SOX5: variants seen among roughly 807,000 people sequenced by gnomAD.
SOX5 encodes the protein transcription factor SOX-5.
A neutral mutation model predicts 92.0 loss-of-function variants in SOX5; 9 were observed. The observed-to-expected ratio is 0.10, with a 90% CI of 0.06 to 0.17. SOX5 has a LOEUF of 0.17. Ranked by LOEUF, SOX5 falls within the 10% of genes least tolerant of loss-of-function variation. The pLI is 1.00. For synonymous variants in SOX5, 344 were observed against 336.3 expected (o/e 1.02, Z -0.25); for missense variants, 642 against 944.5 (o/e 0.68, Z 4.20).
intron 1 of SOX5, among the ~76,000 whole-genome samples, chr12:24,485,712 G>A (rs899778123): frequency 2.0e-5 from 3 of 152,072 alleles, no homozygotes; most frequent in Non-Finnish European, 2.9e-5. Flanking sequence ...TCCACAGTAA[G>A]GCCTATAATA....
At chr12:23,830,861 C>T (rs1568142764) in intron 3 of SOX5, among the ~76,000 whole-genome samples, 1 of 152,104 alleles carries the variant, frequency 6.6e-6, no homozygotes, top group Non-Finnish European at 1.5e-5. Context: ...TGCTCAACAA[C>T]AGACATTTAA....
chr12:24,046,432 A>G (rs1009140744), intron 4 of SOX5, among the ~76,000 whole-genome samples: 2 of 152,206 alleles, frequency 1.3e-5, no homozygotes, highest in African/African-American at 4.8e-5. Context: ...AAAAGAAAGC[A>G]TGAGTTATCT....
At chr12:24,020,057 A>C (rs1209789822) in intron 4 of SOX5, among the ~76,000 whole-genome samples, 6 of 152,298 alleles carry the variant, frequency 3.9e-5, no homozygotes, top group Non-Finnish European at 8.8e-5. Flanking sequence ...TGTGATATTG[A>C]ATTCTGGAAA....
At chr12:23,934,880 C>G (rs183538894) in intron 1 of SOX5, among the ~76,000 whole-genome samples, 10 of 151,316 alleles carry the variant, frequency 6.6e-5, no homozygotes, top group African/African-American at 2.4e-4. Context: ...GATCACAGAA[C>G]TAATCAATAA....
intron 4 of SOX5, among the ~76,000 whole-genome samples, chr12:24,110,423 C>T (rs1395424327): frequency 6.6e-6 from 1 of 152,184 alleles, no homozygotes; most frequent in African/African-American, 2.4e-5. Context: ...ACATCAAGTG[C>T]TTGCTAAAAG....
intron 4 of SOX5, among the ~76,000 whole-genome samples, chr12:24,068,249 C>T (rs1941117493): frequency 2.0e-5 from 3 of 152,000 alleles, no homozygotes; most frequent in Admixed American, 2.0e-4. Context: ...TCAATGTGTC[C>T]TAGAAAAAGA....
chr12:23,764,367 G>T (rs1234976348), intron 3 of SOX5, among the ~76,000 whole-genome samples: 1 of 151,958 alleles, frequency 6.6e-6, no homozygotes, highest in East Asian at 1.9e-4. Context: ...AAAGAATACT[G>T]CAAGAACTAT....
At chr12:23,869,501 C>T (rs1402388272) in intron 2 of SOX5, among the ~76,000 whole-genome samples, 1 of 152,124 alleles carries the variant, frequency 6.6e-6, no homozygotes, top group Non-Finnish European at 1.5e-5. Context: ...TGAAACCCCA[C>T]CAGCCTACCG....
intron 4 of SOX5, among the ~76,000 whole-genome samples, chr12:24,011,263 G>T (rs1192068850): frequency 6.6e-6 from 1 of 151,990 alleles, no homozygotes; most frequent in East Asian, 1.9e-4. Context: ...TAATTCACAT[G>T]CGCACATGCA....
At chr12:23,811,878 ACACT>A (rs2095880575) in intron 3 of SOX5, among the ~76,000 whole-genome samples, 1 of 152,118 alleles carries the variant, frequency 6.6e-6, no homozygotes, top group South Asian at 2.1e-4. Flanking sequence ...TCTTCCTGAA[ACACT>A]CACTTTTTAA....
chr12:23,707,032 T>G (rs2024636101), intron 6 of SOX5, among the ~76,000 whole-genome samples: 1 of 152,144 alleles, frequency 6.6e-6, no homozygotes, highest in Non-Finnish European at 1.5e-5. Flanking sequence ...CAATTCTCTA[T>G]GATGTCCAAA....
chr12:23,954,835 T>C (rs1375251239), upstream of SOX5, among the ~76,000 whole-genome samples: 1 of 152,098 alleles, frequency 6.6e-6, no homozygotes, highest in Non-Finnish European at 1.5e-5. Flanking sequence ...TTAGAAACTC[T>C]AGTTTCATAC....
At chr12:24,136,518 T>TA (rs1384996396) in intron 4 of SOX5, among the ~76,000 whole-genome samples, 1 of 152,188 alleles carries the variant, frequency 6.6e-6, no homozygotes, top group African/African-American at 2.4e-5. Context: ...CCTTTGTGCA[T>TA]AGGGGATTAT....
At chr12:24,074,802 C>T (rs1009157837) in intron 4 of SOX5, among the ~76,000 whole-genome samples, 2 of 152,044 alleles carry the variant, frequency 1.3e-5, no homozygotes, top group African/African-American at 2.4e-5. Context: ...AGTTTTGTGA[C>T]CTACTCAGAA....
At chr12:23,895,708 T>C (rs971534412) in intron 2 of SOX5, 85 bp downstream of exon 2, 26 of 862,160 alleles carry the variant, frequency 3.0e-5, no homozygotes, top group Non-Finnish European at 4.4e-5. Flanking sequence ...ATGTTAATTA[T>C]AAAGCAAAGG....
chr12:23,643,083 T>C (rs2080319064), intron 7 of SOX5, among the ~76,000 whole-genome samples: 1 of 43,742 alleles, frequency 2.3e-5, no homozygotes, highest in Admixed American at 2.4e-4. Flanking sequence ...CGAGACTCCG[T>C]CTCAAAAAAA....
rs149362899 is a variant in SOX5 at position 23,963,058 on chromosome 12, C to T, written c.-1-67034G>A. 5.5e-4 allele frequency among the ~76,000 whole-genome samples: 84 copies of T among 152,230 alleles called. 1 individual carries two copies. The highest frequency in any genetic ancestry group is 2.0e-3 in the Admixed American group (31 of 15,288). On this transcript the variant is annotated intron_variant, in intron 4 of 4. Coordinates refer to the SOX5 transcript ENST00000446891. ...GGCATGGCAGGGGAAAAATAAATAC[C>T]ACCACATATGTTAAAGATGACCAGC...
At chr12:24,562,447 T>G (rs1430072635) in exon 1 of SOX5, 1 of 152,004 alleles carries the variant, frequency 6.6e-6, no homozygotes, top group African/African-American at 2.4e-5. Flanking sequence ...CCTTTTTCAC[T>G]CTGTGTGTGT....
rs114116199 is a variant in SOX5, at chr12:24,306,043, C to T, written c.-173-28731G>A. Among the ~76,000 whole-genome samples the T allele has an allele frequency of 4.8e-3, 733 of 152,312 alleles. 4 individuals are homozygous for T. The highest frequency in any genetic ancestry group is 0.017 in the African/African-American group (698 of 41,564). ...AACGTGAGGATCAGAAAATATAGAT[C>T]TGACCTGTTTTGAACAGGTTTCAGC... On this transcript the variant is annotated intron_variant, in intron 2 of 4. Coordinates refer to the SOX5 transcript ENST00000446891.
Sources: allele counts gnomAD v4.1 joint callset (sites outside exome capture counted in the v4.1 genomes callset), GRCh38; gene constraint gnomAD v4.1.1; transcripts MANE v1.5; gene names NCBI Gene and HGNC (gene_info 2026-07-23, HGNC 2026-07-21).